The following KCNIP4 variants were observed in gnomAD, a reference collection of about 807,000 sequenced individuals.
KCNIP4 encodes potassium voltage-gated channel interacting protein 4.
A neutral mutation model predicts 34.0 loss-of-function variants in KCNIP4; 12 were observed. The observed-to-expected ratio is 0.35, with a 90% confidence interval of 0.23 to 0.57. The LOEUF (loss-of-function observed/expected upper bound fraction) is 0.57, where lower values mean the gene tolerates loss of function less well. Among genes scored for constraint, KCNIP4 ranks in the 20% least tolerant of loss-of-function variants. KCNIP4 has a pLI of 0.83. For synonymous variants in KCNIP4, 124 were observed against 102.2 expected (o/e 1.21, Z -1.29); for missense variants, 238 against 311.7 (o/e 0.76, Z 1.78).
intron 5 of KCNIP4, 54 bp from the exon 6 acceptor site, chr4:20,734,789 A>G (rs1749180601): frequency 2.9e-6 from 3 of 1,045,372 alleles, no homozygotes; most frequent in South Asian, 3.0e-5. Context: ...AAACAAAAAC[A>G]AAAAAAACAA....
chr4:21,489,739 C>T (rs1732220592), intron 1 of KCNIP4, among the ~76,000 whole-genome samples: 1 of 151,918 alleles, frequency 6.6e-6, no homozygotes, highest in Admixed American at 6.6e-5. Context: ...TGGGTTTGTC[C>T]TCTAATTAAA....
intron 3 of KCNIP4, among the ~76,000 whole-genome samples, chr4:20,774,621 G>A (rs1756215114): frequency 6.6e-6 from 1 of 152,208 alleles, no homozygotes; most frequent in African/African-American, 2.4e-5. Flanking sequence ...TTCAGTTACA[G>A]TTGCGATAAG....
intron 1 of KCNIP4, among the ~76,000 whole-genome samples, chr4:21,723,257 T>C (rs1180504622): frequency 6.6e-6 from 1 of 152,124 alleles, no homozygotes; most frequent in African/African-American, 2.4e-5. Flanking sequence ...AATTCATATA[T>C]TTCCCAAATT....
intron 5 of KCNIP4, among the ~76,000 whole-genome samples, chr4:20,742,514 G>A (rs1320337186): frequency 6.6e-6 from 1 of 152,072 alleles, no homozygotes; most frequent in Non-Finnish European, 1.5e-5. Flanking sequence ...ACAATATTCA[G>A]CAGCCCTTCA....
At chr4:21,747,377 G>A (rs982898787) in intron 1 of KCNIP4, among the ~76,000 whole-genome samples, 69 of 152,100 alleles carry the variant, frequency 4.5e-4, no homozygotes, top group African/African-American at 1.7e-3. Context: ...CATGCGTTCT[G>A]TAGACGCCTC....
At chr4:21,471,615 G>T (rs1483958679) in intron 1 of KCNIP4, among the ~76,000 whole-genome samples, 17 of 152,136 alleles carry the variant, frequency 1.1e-4, no homozygotes, top group Admixed American at 1.1e-3. Flanking sequence ...CCTATAGATT[G>T]TAGAGAAAGG....
At chr4:20,940,498 T>A (rs1731530840) in intron 1 of KCNIP4, among the ~76,000 whole-genome samples, 1 of 152,196 alleles carries the variant, frequency 6.6e-6, no homozygotes, top group African/African-American at 2.4e-5. Context: ...AGGGATAAAC[T>A]GTGTTTTTCA....
intron 1 of KCNIP4, among the ~76,000 whole-genome samples, chr4:21,054,873 T>A (rs987980412): frequency 6.6e-5 from 10 of 152,132 alleles, no homozygotes; most frequent in Non-Finnish European, 1.5e-4. Context: ...ACATTTTAGA[T>A]ACAACAGCAA....
chr4:20,962,287 C>T lies in KCNIP4; in HGVS notation c.62-79578G>A, dbSNP rs142486191. ...ACTCCTGACACCTAATTGCACACAG[C>T]GAATTTTGTGACTGTCAGCATCACT... On this transcript the variant is annotated intron_variant, in intron 1 of 8. Transcript: ENST00000382152. Among the ~76,000 whole-genome samples, 24 of 152,308 alleles carry T rather than the reference C, an allele frequency of 1.6e-4. No homozygotes were observed. In the East Asian group the frequency reaches 3.7e-3, roughly 23 times the overall value.
rs1746905586 is a variant in KCNIP4 at position 20,728,926 on chromosome 4, AAAT to A, written c.*1153_*1155del. 2 of 143,906 alleles carry A rather than the reference AAAT, an allele frequency of 1.4e-5. No individual in the cohort carries two copies. Among genetic ancestry groups the A allele is most frequent in the Non-Finnish European group, 3.1e-5 (2 of 65,136 alleles). 8.9% of individuals were successfully genotyped at this position (143,906 alleles called of 1,614,324 possible). A position where few individuals can be genotyped will look rare whatever the true frequency, so the allele number is the denominator to read the frequency against. ...TTACAGTTTTGGCTAAGATGATTAA[AAAT>A]AATCTGAATTATGATGAGCTAAATC... On this transcript the variant is annotated 3_prime_UTR_variant, in exon 9 of 9. Transcript: ENST00000382152.
chr4:21,574,607 A>G (rs1223783335), intron 1 of KCNIP4, among the ~76,000 whole-genome samples: 1 of 152,162 alleles, frequency 6.6e-6, no homozygotes, highest in East Asian at 1.9e-4. Context: ...TTAAAGAAGG[A>G]TCCAGATTTG....
At chr4:21,528,716 AAAG>A (rs1736239248) in intron 1 of KCNIP4, among the ~76,000 whole-genome samples, 4 of 1,970 alleles carry the variant, frequency 2.0e-3, no homozygotes, top group Non-Finnish European at 3.7e-3. Context: ...AGAAAGAAAG[AAAG>A]AAAGAAAGAA....
At chr4:21,309,375 T>TA (rs138209178) in intron 1 of KCNIP4, among the ~76,000 whole-genome samples, 8,243 of 152,170 alleles carry the variant, frequency 0.054, 560 homozygotes, top group East Asian at 0.17. Context: ...GTATGAGTAA[T>TA]AAAAAGATGA....
chr4:21,674,843 C>T (rs963442024), intron 1 of KCNIP4, among the ~76,000 whole-genome samples: 1 of 151,916 alleles, frequency 6.6e-6, no homozygotes, highest in Non-Finnish European at 1.5e-5. Context: ...CCTGAGTAAC[C>T]TTTGGGTCAG....
intron 1 of KCNIP4, among the ~76,000 whole-genome samples, chr4:21,386,177 T>A (rs1268064870): frequency 6.6e-6 from 1 of 152,202 alleles, no homozygotes; most frequent in East Asian, 1.9e-4. Context: ...TGTTCTTGTA[T>A]CCTTGCTCTT....
intron 1 of KCNIP4, among the ~76,000 whole-genome samples, chr4:21,150,821 T>C (rs916683210): frequency 2.6e-5 from 4 of 152,172 alleles, no homozygotes; most frequent in Non-Finnish European, 4.4e-5. Context: ...AAGTTTGAAA[T>C]AAAGGCAATC....
chr4:21,889,623 T>A (rs10938864), intron 1 of KCNIP4, among the ~76,000 whole-genome samples: 64,634 of 151,916 alleles, frequency 0.43, 15,855 homozygotes, highest in East Asian at 0.62. Context: ...GAAAAGGGTT[T>A]CAATTTGTGA....
chr4:20,763,260 T>A (rs1755091325), intron 3 of KCNIP4, among the ~76,000 whole-genome samples: 1 of 152,196 alleles, frequency 6.6e-6, no homozygotes, highest in South Asian at 2.1e-4. Context: ...TTTTACAGTA[T>A]TTTGCTTTTT....
At chr4:21,604,110 G>A (rs916152980) in intron 1 of KCNIP4, among the ~76,000 whole-genome samples, 4 of 151,990 alleles carry the variant, frequency 2.6e-5, no homozygotes, top group Non-Finnish European at 5.9e-5. Flanking sequence ...AAGTTAGAGA[G>A]TTACCTCAAA....
Sources: gnomAD v4.1 joint callset for allele counts (sites outside exome capture counted in the v4.1 genomes callset) on GRCh38, gnomAD v4.1.1 for gene constraint, MANE v1.5 for transcripts, NCBI Gene and HGNC (gene_info 2026-07-23, HGNC 2026-07-21) for gene names.